The following ACOXL variants were observed in gnomAD, a reference collection of about 807,000 sequenced individuals.
The protein encoded by ACOXL is acyl-CoA oxidase like.
Under a neutral mutation model 71.9 loss-of-function variants are expected in ACOXL, and 70 were observed. The ratio of observed to expected loss-of-function variants is 0.97; its 90% CI spans 0.80 to 1.19. The LOEUF is 1.19. Among genes scored for constraint, ACOXL ranks in the 50% most tolerant of loss-of-function variants. The pLI is 0.00. For missense variants in ACOXL, 703 were observed against 736.3 expected (o/e 0.95, Z 0.52); for synonymous variants, 253 against 281.6 (o/e 0.90, Z 1.02).
chr2:110,997,177 A>G (rs185153692), intron 14 of ACOXL, among the ~76,000 whole-genome samples: 8 of 152,358 alleles, frequency 5.3e-5, no homozygotes, highest in African/African-American at 1.7e-4. Flanking sequence ...ACTATAGAAG[A>G]AAAGGCTAAA....
chr2:110,822,532 G>A (rs966969048), intron 9 of ACOXL, among the ~76,000 whole-genome samples: 9 of 152,044 alleles, frequency 5.9e-5, no homozygotes, highest in African/African-American at 1.7e-4. Flanking sequence ...TACTACATTC[G>A]GCTCCAGAGT....
chr2:111,023,623 G>A (rs1048211518), intron 14 of ACOXL, among the ~76,000 whole-genome samples: 34 of 152,238 alleles, frequency 2.2e-4, no homozygotes, highest in African/African-American at 7.7e-4. Flanking sequence ...TGAGCGTTAG[G>A]TGGTCCTGGG....
intron 4 of ACOXL, 90 bp from the exon 5 acceptor site, chr2:110,793,986 T>C (rs1684978801): frequency 7.5e-7 from 1 of 1,340,040 alleles, no homozygotes; most frequent in African/African-American, 1.4e-5. Context: ...CCTGTCCCTC[T>C]CTCACCACCA....
chr2:111,058,072 A>G (rs180956275), intron 16 of ACOXL, among the ~76,000 whole-genome samples: 17 of 152,360 alleles, frequency 1.1e-4, no homozygotes, highest in African/African-American at 4.1e-4. Flanking sequence ...CTGCTTTAGA[A>G]GACAGGACAG....
At chr2:110,904,431 A>G (rs573342424) in intron 10 of ACOXL, among the ~76,000 whole-genome samples, 1 of 152,282 alleles carries the variant, frequency 6.6e-6, no homozygotes, top group South Asian at 2.1e-4. Context: ...TTGGCAGGAC[A>G]TTCATCTGCC....
At chr2:110,836,774 T>A (rs549780347) in intron 9 of ACOXL, among the ~76,000 whole-genome samples, 1 of 152,302 alleles carries the variant, frequency 6.6e-6, no homozygotes, top group Non-Finnish European at 1.5e-5. Flanking sequence ...TTCCCACAAG[T>A]ATGGGAAAGG....
At chr2:110,911,606 A>G (rs751038696) in intron 11 of ACOXL, among the ~76,000 whole-genome samples, 2 of 151,932 alleles carry the variant, frequency 1.3e-5, no homozygotes, top group Non-Finnish European at 2.9e-5. Context: ...AGAATATGTG[A>G]AAAAAAACAT....
chr2:111,115,109 CATTT>C (rs1350619319), intron 17 of ACOXL, among the ~76,000 whole-genome samples: 4 of 152,216 alleles, frequency 2.6e-5, no homozygotes, highest in East Asian at 1.9e-4. Flanking sequence ...TATACCTATT[CATTT>C]GTCTTTTTCA....
At chr2:111,013,598 CT>C (rs1452882208) in intron 14 of ACOXL, among the ~76,000 whole-genome samples, 2 of 150,632 alleles carry the variant, frequency 1.3e-5, no homozygotes, top group South Asian at 2.1e-4. Flanking sequence ...ATTTAATTCG[CT>C]TTTTTTCTTT....
rs1479338878 is a variant in ACOXL, at chr2:111,049,241, G to C, written c.1393G>C (p.Ala465Pro). ...HRVTLEQFSL[A>P]VKSCPDQEDQ... Reference sequence around the variant, plus strand: ...AGTTACCTTAGAGCAGTTCTCCCTAGCAGTGAAGAGCTGTCCTGACCAAGA... The same window carrying C: ...AGTTACCTTAGAGCAGTTCTCCCTACCAGTGAAGAGCTGTCCTGACCAAGA... Residue 465 changes from alanine (A) to proline (P), a missense_variant, in exon 16 of 18, where the codon GCA becomes CCA. Physicochemically the swap from Ala to Pro is conservative, Grantham distance 27. Transcript: ENST00000439055. The C allele has an allele frequency of 6.2e-7, 1 of 1,612,548 alleles. No individual in the cohort carries two copies. The highest frequency in any genetic ancestry group is 8.5e-7 in the Non-Finnish European group (1 of 1,178,594).
intron 15 of ACOXL, among the ~76,000 whole-genome samples, chr2:111,037,945 A>G (rs567806183): frequency 5.3e-4 from 81 of 152,284 alleles, no homozygotes; most frequent in African/African-American, 1.9e-3. Context: ...ACTGCTTCCT[A>G]CTACTCTTAC....
At chr2:110,850,893 A>G (rs1692518582) in intron 10 of ACOXL, among the ~76,000 whole-genome samples, 1 of 152,210 alleles carries the variant, frequency 6.6e-6, no homozygotes, top group Admixed American at 6.5e-5. Flanking sequence ...TAATAGCCTC[A>G]AACTGAAGAC....
intron 9 of ACOXL, among the ~76,000 whole-genome samples, chr2:110,808,893 C>G (rs1322330267): frequency 1.3e-5 from 2 of 152,194 alleles, no homozygotes; most frequent in African/African-American, 4.8e-5. Context: ...CAGCTGGGGC[C>G]CTGCCAGCCT....
At chr2:110,742,274 T>C (rs987183811) in intron 1 of ACOXL, among the ~76,000 whole-genome samples, 1 of 152,200 alleles carries the variant, frequency 6.6e-6, no homozygotes, top group African/African-American at 2.4e-5. Context: ...AAGACAATTA[T>C]TGTAGTGCTG....
intron 10 of ACOXL, among the ~76,000 whole-genome samples, chr2:110,886,341 A>T (rs1697282140): frequency 7.1e-6 from 1 of 141,764 alleles, no homozygotes; most frequent in Non-Finnish European, 1.5e-5. Flanking sequence ...ATTCTTCCCC[A>T]CTGGCTTGGA....
chr2:111,079,517 G>A (rs1303115453), intron 16 of ACOXL, among the ~76,000 whole-genome samples: 2 of 152,036 alleles, frequency 1.3e-5, no homozygotes, highest in South Asian at 2.1e-4. Context: ...TGGTTCCCTC[G>A]GGCTTCCTCT....
intron 1 of ACOXL, among the ~76,000 whole-genome samples, chr2:110,750,721 G>C (rs1678830144): frequency 6.6e-6 from 1 of 150,846 alleles, no homozygotes; most frequent in South Asian, 2.1e-4. Flanking sequence ...TTTTGAGACA[G>C]GATCTTGCTC....
intron 9 of ACOXL, among the ~76,000 whole-genome samples, chr2:110,810,238 A>T (rs1210110948): frequency 6.6e-6 from 1 of 152,098 alleles, no homozygotes; most frequent in Non-Finnish European, 1.5e-5. Flanking sequence ...TTTTGCTTGG[A>T]GGTCATCTGC....
chr2:110,984,517 T>TA, intron 12 of ACOXL, among the ~76,000 whole-genome samples: 1 of 152,336 alleles, frequency 6.6e-6, no homozygotes, highest in South Asian at 2.1e-4. Context: ...AACTCATTTT[T>TA]AAAATCACGT....
Sources: allele counts gnomAD v4.1 joint callset (sites outside exome capture counted in the v4.1 genomes callset), GRCh38; gene constraint gnomAD v4.1.1; transcripts MANE v1.5; gene names NCBI Gene and HGNC (gene_info 2026-07-23, HGNC 2026-07-21).